C8orf34: variants seen among roughly 807,000 people sequenced by gnomAD.
The protein encoded by C8orf34 is chromosome 8 open reading frame 34.
In C8orf34, 65 loss-of-function variants were observed where a neutral mutation model predicts 68.3. The observed-to-expected ratio is 0.95, with a 90% CI of 0.78 to 1.17. The LOEUF is 1.17. Ranked by LOEUF, C8orf34 falls within the 50% of genes most tolerant of loss-of-function variation. The probability of loss-of-function intolerance (pLI) is 0.00; values close to 1 mark genes in which losing one functional copy is unlikely to be tolerated. For missense variants in C8orf34, 664 were observed against 655.4 expected (o/e 1.01, Z -0.14); for synonymous variants, 244 against 241.2 (o/e 1.01, Z -0.11).
At chr8:68,434,964 A>C (rs1810597296) in intron 1 of C8orf34, among the ~76,000 whole-genome samples, 1 of 151,558 alleles carries the variant, frequency 6.6e-6, no homozygotes, top group Admixed American at 6.6e-5. Flanking sequence ...CAGGAGAATC[A>C]CTTGAACCCA....
intron 10 of C8orf34, among the ~76,000 whole-genome samples, chr8:68,763,934 C>G (rs1355456523): frequency 1.3e-5 from 2 of 152,220 alleles, no homozygotes; most frequent in Non-Finnish European, 2.9e-5. Flanking sequence ...ATGTATCTCT[C>G]TGGAGCCTGA....
At chr8:68,678,378 T>C (rs1367986650) in intron 8 of C8orf34, among the ~76,000 whole-genome samples, 1 of 152,124 alleles carries the variant, frequency 6.6e-6, no homozygotes, top group Admixed American at 6.6e-5. Flanking sequence ...ATTAGAAAGA[T>C]CATTCATCAC....
At chr8:68,746,007 T>A (rs1444577801) in intron 10 of C8orf34, among the ~76,000 whole-genome samples, 1 of 152,052 alleles carries the variant, frequency 6.6e-6, no homozygotes, top group Non-Finnish European at 1.5e-5. Context: ...TCAGCAAATG[T>A]AAAAGAACAG....
intron 10 of C8orf34, among the ~76,000 whole-genome samples, chr8:68,734,214 A>G (rs947997775): frequency 1.3e-5 from 2 of 152,136 alleles, no homozygotes; most frequent in African/African-American, 4.8e-5. Flanking sequence ...GGAGATCACA[A>G]AAGTTGAGAA....
chr8:68,611,093 C>G (rs1297601772), intron 7 of C8orf34, among the ~76,000 whole-genome samples: 3 of 151,960 alleles, frequency 2.0e-5, no homozygotes, highest in Non-Finnish European at 4.4e-5. Flanking sequence ...TCTCGAACTC[C>G]CGACCTCAGG....
intron 3 of C8orf34, among the ~76,000 whole-genome samples, chr8:68,462,971 G>A (rs1242045831): frequency 4.6e-5 from 7 of 151,810 alleles, no homozygotes; most frequent in Admixed American, 3.3e-4. Context: ...TAGAGACACA[G>A]AAAACCCTTC....
At chr8:68,389,613 G>A (rs887505476) in intron 1 of C8orf34, among the ~76,000 whole-genome samples, 9 of 152,108 alleles carry the variant, frequency 5.9e-5, no homozygotes, top group Admixed American at 3.9e-4. Context: ...TTATCATATT[G>A]TAAAGGGCAT....
rs910496617 is a variant in C8orf34 at position 68,533,470 on chromosome 8, A to G, written c.1105+321A>G. ...CTGTCTGCTTTATTCTCTGATAATA[A>G]TTGCCTTGTTTACATCTATTGTCTA... On this transcript the variant is annotated intron_variant, in intron 7 of 13. Coordinates refer to ENST00000518698, the MANE Select transcript of C8orf34 (RefSeq NM_052958.4). 1.3e-5 allele frequency: 13 copies of G among 1,025,454 alleles called. No individual in the cohort carries two copies. The East Asian group carries it at 1.0e-3, about 83-fold the overall frequency. The allele number at this position is 1,025,454 out of a possible 1,614,324, so 63.5% of individuals were successfully genotyped here.
Position 68,344,016 on chromosome 8 carries a change from T to C in C8orf34, c.327+12677T>C, listed in dbSNP as rs114198816. On this transcript the variant is annotated intron_variant, in intron 1 of 13. Coordinates refer to ENST00000518698, the MANE Select transcript of C8orf34 (RefSeq NM_052958.4). The stretch of plus-strand genomic sequence containing the variant: ...TTCTGAGATTACAGGTGTGAGCCAA[T>C]ATTGTTTAAAGTAGATATGCAACTA... 7.9e-3 allele frequency among the ~76,000 whole-genome samples: 1,197 copies of C among 152,294 alleles called. 19 individuals are homozygous for C. The highest frequency in any genetic ancestry group is 0.026 in the African/African-American group (1,101 of 41,556).
intron 7 of C8orf34, among the ~76,000 whole-genome samples, chr8:68,620,964 G>A (rs917172536): frequency 2.0e-5 from 3 of 152,176 alleles, no homozygotes; most frequent in African/African-American, 7.2e-5. Context: ...TTGTTTATAT[G>A]CGGAAATAGT....
chr8:68,445,516 A>G (rs910573956), intron 2 of C8orf34, among the ~76,000 whole-genome samples: 11 of 152,186 alleles, frequency 7.2e-5, no homozygotes, highest in African/African-American at 2.7e-4. Context: ...AACACCCTTT[A>G]ATTGTGGAAT....
intron 1 of C8orf34, among the ~76,000 whole-genome samples, chr8:68,416,439 T>A (rs1026592357): frequency 3.9e-5 from 6 of 152,274 alleles, no homozygotes; most frequent in African/African-American, 1.4e-4. Flanking sequence ...GAACAGAAAC[T>A]GGCATATAGT....
chr8:68,693,190 C>T (rs1225100314), intron 8 of C8orf34, among the ~76,000 whole-genome samples: 1 of 151,904 alleles, frequency 6.6e-6, no homozygotes. Flanking sequence ...GTTTTGAAGA[C>T]GCATCAGTCT....
intron 5 of C8orf34, among the ~76,000 whole-genome samples, chr8:68,498,773 A>C (rs761952276): frequency 3.5e-4 from 54 of 152,250 alleles, no homozygotes; most frequent in African/African-American, 1.3e-3. Flanking sequence ...TTTTTCTTTT[A>C]AAAAATAAAA....
At chr8:68,773,920 A>G (rs1823426764) in intron 10 of C8orf34, among the ~76,000 whole-genome samples, 1 of 152,166 alleles carries the variant, frequency 6.6e-6, no homozygotes, top group Admixed American at 6.5e-5. Context: ...GGTCATCACC[A>G]GGTCTTAGCA....
chr8:68,522,682 G>T (rs1814806572), intron 6 of C8orf34, among the ~76,000 whole-genome samples: 1 of 151,526 alleles, frequency 6.6e-6, no homozygotes, highest in Non-Finnish European at 1.5e-5. Context: ...ATTTTTTTTT[G>T]TAATACCAGT....
intron 3 of C8orf34, among the ~76,000 whole-genome samples, chr8:68,464,207 A>G (rs1177832367): frequency 1.3e-5 from 2 of 152,212 alleles, no homozygotes; most frequent in Non-Finnish European, 2.9e-5. Flanking sequence ...TATTTGCTTC[A>G]AAGAGAATAA....
chr8:68,627,894 A>G (rs942221822), intron 7 of C8orf34, among the ~76,000 whole-genome samples: 1 of 152,232 alleles, frequency 6.6e-6, no homozygotes, highest in African/African-American at 2.4e-5. Flanking sequence ...ATTCAAAGAA[A>G]TTAAAAAGGA....
At chr8:68,501,124 A>G (rs945239963) in intron 5 of C8orf34, among the ~76,000 whole-genome samples, 3 of 152,164 alleles carry the variant, frequency 2.0e-5, no homozygotes, top group African/African-American at 7.2e-5. Flanking sequence ...TAAGAGTAAT[A>G]TCAAGCCCAA....
Sources: allele counts gnomAD v4.1 joint callset (sites outside exome capture counted in the v4.1 genomes callset), GRCh38; gene constraint gnomAD v4.1.1; transcripts MANE v1.5; gene names NCBI Gene and HGNC (gene_info 2026-07-23, HGNC 2026-07-21).